The following STX8 variants were observed in gnomAD, a reference collection of about 807,000 sequenced individuals.
STX8 encodes syntaxin 8, also known as syntaxin-8.
In STX8, 23 loss-of-function variants were observed where a neutral mutation model predicts 37.5. The observed-to-expected ratio is 0.61, with a 90% confidence interval of 0.44 to 0.87. The LOEUF (loss-of-function observed/expected upper bound fraction) is 0.87. Among genes scored for constraint, STX8 ranks in the 40% least tolerant of loss-of-function variants. The pLI is 0.00. For synonymous variants in STX8, 115 were observed against 99.1 expected (o/e 1.16, Z -0.95); for missense variants, 313 against 284.7 (o/e 1.10, Z -0.71).
At chr17:9,497,762 T>C (rs1904459233) in intron 5 of STX8, among the ~76,000 whole-genome samples, 1 of 152,108 alleles carries the variant, frequency 6.6e-6, no homozygotes, top group Admixed American at 6.6e-5. Context: ...TACATGAGAC[T>C]TCTTCTTTTT....
chr17:9,556,821 T>TATATATATA (rs1324971087), intron 3 of STX8: 4 of 138,942 alleles, frequency 2.9e-5, no homozygotes, highest in South Asian at 2.3e-4. Flanking sequence ...ATATATATAT[T>TATATATATA]TTAACACTTG....
At chr17:9,268,098 A>C (rs1010703448) in intron 7 of STX8, among the ~76,000 whole-genome samples, 1 of 151,972 alleles carries the variant, frequency 6.6e-6, no homozygotes, top group Non-Finnish European at 1.5e-5. Flanking sequence ...AGACCCTCCC[A>C]TATGCTCTCC....
chr17:9,468,670 G>A (rs955181004), intron 6 of STX8, among the ~76,000 whole-genome samples: 2 of 151,996 alleles, frequency 1.3e-5, no homozygotes, highest in African/African-American at 4.8e-5. Context: ...CTTGGCAGAC[G>A]GTCTTCAACT....
intron 7 of STX8, among the ~76,000 whole-genome samples, chr17:9,345,914 C>CG (rs1044371312): frequency 1.7e-5 from 2 of 118,990 alleles, no homozygotes; most frequent in African/African-American, 6.4e-5. Context: ...TGCAGTGGCA[C>CG]GGTCTCAGCT....
chr17:9,448,974 A>T (rs755210283), intron 6 of STX8, among the ~76,000 whole-genome samples: 5 of 152,202 alleles, frequency 3.3e-5, no homozygotes, highest in South Asian at 4.1e-4. Flanking sequence ...TACATAGATT[A>T]AAAAAATTTC....
chr17:9,389,881 G>T (rs1375101448), intron 6 of STX8, among the ~76,000 whole-genome samples: 2 of 152,172 alleles, frequency 1.3e-5, no homozygotes, highest in Non-Finnish European at 2.9e-5. Flanking sequence ...AAAATGGGGG[G>T]TGGTGGTGAC....
chr17:9,290,251 C>G (rs1597586610), intron 7 of STX8, among the ~76,000 whole-genome samples: 2 of 152,146 alleles, frequency 1.3e-5, no homozygotes, highest in Admixed American at 1.3e-4. Context: ...CACTATTTGT[C>G]TTTTTAAATT....
At chr17:9,494,153 C>T (rs77867760) in intron 5 of STX8, among the ~76,000 whole-genome samples, 25,207 of 151,436 alleles carry the variant, frequency 0.17, 2,222 homozygotes, top group South Asian at 0.24. Flanking sequence ...GTAGCTGGGA[C>T]TACAGGCGCC....
intron 3 of STX8, 128 bp from the exon 4 acceptor site, chr17:9,545,410 C>T (rs1025861152): frequency 1.8e-5 from 12 of 654,866 alleles, no homozygotes; most frequent in South Asian, 6.0e-5. Flanking sequence ...AGAAGGGATG[C>T]GCACCACTCT....
intron 6 of STX8, among the ~76,000 whole-genome samples, chr17:9,392,306 T>TG (rs1417525954): frequency 6.6e-6 from 1 of 152,180 alleles, no homozygotes; most frequent in East Asian, 1.9e-4. Context: ...GCATAGTTGT[T>TG]GGAGTTATCT....
chr17:9,400,989 G>C (rs775812087), intron 6 of STX8, among the ~76,000 whole-genome samples: 65 of 152,048 alleles, frequency 4.3e-4, no homozygotes, highest in Non-Finnish European at 7.6e-4. Flanking sequence ...ACCCGAACTA[G>C]TAGAACTCTG....
chr17:9,494,210 T>A (rs1279021069), intron 5 of STX8, among the ~76,000 whole-genome samples: 1 of 151,568 alleles, frequency 6.6e-6, no homozygotes, highest in Admixed American at 6.6e-5. Context: ...AGAGACGGGG[T>A]TTCACCGTGT....
chr17:9,334,179 G>A (rs1910066229), intron 7 of STX8, among the ~76,000 whole-genome samples: 1 of 151,906 alleles, frequency 6.6e-6, no homozygotes, highest in Non-Finnish European at 1.5e-5. Flanking sequence ...AGATCAGATG[G>A]GCTGGTTTCT....
chr17:9,331,284 C>T (rs1158095339), intron 7 of STX8, among the ~76,000 whole-genome samples: 2 of 152,110 alleles, frequency 1.3e-5, no homozygotes, highest in Non-Finnish European at 2.9e-5. Flanking sequence ...TAGCTAATTG[C>T]CTTTTCAGAA....
rs141652901 is a variant in STX8 at position 9,453,660 on chromosome 17, T to G, written c.541+38169A>C. Among the ~76,000 whole-genome samples, 456 of 151,998 alleles carry G rather than the reference T, an allele frequency of 3.0e-3. 3 individuals are homozygous for G. Among genetic ancestry groups the G allele is most frequent in the African/African-American group, 0.01 (424 of 41,470 alleles). ...GGCATGTGCCACCATGCCCAGCTAATTTTTGTATTTTTAGTAGAGGCAGGG... is the reference window on the plus strand; with the variant it reads ...GGCATGTGCCACCATGCCCAGCTAAGTTTTGTATTTTTAGTAGAGGCAGGG... On this transcript the variant is annotated intron_variant, in intron 6 of 7. Coordinates refer to ENST00000306357, the MANE Select transcript of STX8 (RefSeq NM_004853.3).
chr17:9,269,168 T>A (rs976827102), intron 7 of STX8, among the ~76,000 whole-genome samples: 5 of 140,662 alleles, frequency 3.6e-5, no homozygotes, highest in Non-Finnish European at 7.5e-5. Flanking sequence ...GCCTGGGCGA[T>A]AGAGCAAGAC....
chr17:9,355,500 A>ATTTT (rs35363770), intron 7 of STX8, among the ~76,000 whole-genome samples: 4 of 124,440 alleles, frequency 3.2e-5, no homozygotes, highest in African/African-American at 1.2e-4. Flanking sequence ...ACACCTAGCA[A>ATTTT]TTTTTTTTTT....
chr17:9,439,934 G>A (rs1049205772), intron 6 of STX8, among the ~76,000 whole-genome samples: 4 of 151,838 alleles, frequency 2.6e-5, no homozygotes, highest in African/African-American at 7.3e-5. Flanking sequence ...AAGTACCCCC[G>A]GCATATAGGG....
chr17:9,469,145 G>A (rs1905739304), intron 6 of STX8: 1 of 152,170 alleles, frequency 6.6e-6, no homozygotes, highest in Admixed American at 6.5e-5. Flanking sequence ...GGGCAGCTCA[G>A]CCAAGGTGGT....
Sources: gnomAD v4.1 joint callset for allele counts (sites outside exome capture counted in the v4.1 genomes callset) on GRCh38, gnomAD v4.1.1 for gene constraint, MANE v1.5 for transcripts, NCBI Gene and HGNC (gene_info 2026-07-23, HGNC 2026-07-21) for gene names.